MPHOSPH9: variants seen among roughly 807,000 people sequenced by gnomAD.
MPHOSPH9 encodes the protein M-phase phosphoprotein 9.
A neutral mutation model predicts 145.5 loss-of-function variants in MPHOSPH9; 88 were observed. The ratio of observed to expected loss-of-function variants is 0.60; its 90% CI spans 0.51 to 0.72. MPHOSPH9 has a LOEUF of 0.72. Among genes scored for constraint, MPHOSPH9 ranks in the 30% least tolerant of loss-of-function variants. The pLI is 0.00. For synonymous variants in MPHOSPH9, 435 were observed against 486.2 expected, an observed-to-expected ratio of 0.89 and a Z score of 1.39; for missense variants, 1,238 against 1,386.6, an observed-to-expected ratio of 0.89 and a Z score of 1.70.
chr12:123,204,762 C>A (rs1352815697), intron 8 of MPHOSPH9, among the ~76,000 whole-genome samples: 3 of 152,134 alleles, frequency 2.0e-5, no homozygotes, highest in Non-Finnish European at 2.9e-5. Flanking sequence ...GTAATCCCAG[C>A]AACGCAGGAG....
intron 3 of MPHOSPH9, chr12:123,226,373 G>A: frequency 1.8e-6 from 2 of 1,083,036 alleles, no homozygotes; most frequent in Non-Finnish European, 1.2e-6. Flanking sequence ...CACAAATTAT[G>A]CTTCTAAAAG....
At chr12:123,224,130 A>ACAT (rs1446797981) in intron 3 of MPHOSPH9, among the ~76,000 whole-genome samples, 2 of 81,036 alleles carry the variant, frequency 2.5e-5, no homozygotes, top group African/African-American at 4.0e-5. Context: ...ATATATACAC[A>ACAT]TTTTTTTTTT....
chr12:123,230,680 G>A (rs565741498), intron 1 of MPHOSPH9, among the ~76,000 whole-genome samples, 158 bp from the exon 2 acceptor site: 2 of 152,274 alleles, frequency 1.3e-5, no homozygotes, highest in Admixed American at 6.5e-5. Flanking sequence ...CCACCCAAAT[G>A]TCCATCAATG....
chr12:123,154,261 C>G lies in MPHOSPH9; in HGVS notation c.*2546G>C, dbSNP rs2043820908. 1 of 151,024 alleles carries G rather than the reference C, an allele frequency of 6.6e-6. No individual in the cohort carries two copies. Among genetic ancestry groups the G allele is most frequent in the Non-Finnish European group, 1.5e-5 (1 of 67,822 alleles). 9.4% of individuals were successfully genotyped at this position (151,024 alleles called of 1,614,324 possible). A position where few individuals can be genotyped will look rare whatever the true frequency, so the allele number is the denominator to read the frequency against. ...TAAACTATTAATACCTGCAGCAAAG[C>G]CCCAAGCCAACAACAAAAATAGTTT... On this transcript the variant is annotated 3_prime_UTR_variant, in exon 24 of 24. Coordinates refer to ENST00000606320, the MANE Select transcript of MPHOSPH9 (RefSeq NM_022782.4).
chr12:123,211,684 CTTTTTTTTTTTTTTT>C (rs147321517), intron 7 of MPHOSPH9, among the ~76,000 whole-genome samples: 13 of 67,756 alleles, frequency 1.9e-4, no homozygotes, highest in Admixed American at 4.1e-4. Context: ...TAGACAATTT[CTTTTTTTTTTTTTTT>C]TTTTTTTTTT....
At chr12:123,168,315 G>T (rs536122745) in intron 16 of MPHOSPH9, among the ~76,000 whole-genome samples, 1 of 148,638 alleles carries the variant, frequency 6.7e-6, no homozygotes, top group Non-Finnish European at 1.5e-5. Flanking sequence ...ACCCCAAACC[G>T]CCTGACCGCC....
chr12:123,221,349 C>T, intron 5 of MPHOSPH9, 23 bp downstream of exon 5: 1 of 1,520,396 alleles, frequency 6.6e-7, no homozygotes, highest in Non-Finnish European at 8.9e-7. Context: ...AAACTCCCTT[C>T]AAATGATAGA....
At chr12:123,161,099 C>A in intron 22 of MPHOSPH9, 37 bp downstream of exon 22, 2 of 1,606,254 alleles carry the variant, frequency 1.2e-6, no homozygotes, top group South Asian at 2.2e-5. Context: ...GCATTAAGTT[C>A]AGAAAACAAT....
intron 16 of MPHOSPH9, 113 bp from the exon 17 acceptor site, chr12:123,166,902 T>C: frequency 1.9e-6 from 2 of 1,063,442 alleles, no homozygotes; most frequent in Non-Finnish European, 2.6e-6. Flanking sequence ...TACACTAATT[T>C]AAAAATCACA....
chr12:123,164,573 G>A (rs756939199), intron 18 of MPHOSPH9, among the ~76,000 whole-genome samples: 1 of 152,226 alleles, frequency 6.6e-6, no homozygotes, highest in Non-Finnish European at 1.5e-5. Context: ...CAGATGCTCA[G>A]TAACCAAGAA....
upstream of MPHOSPH9, among the ~76,000 whole-genome samples, chr12:123,237,050 A>G (rs1452903457): frequency 6.6e-6 from 1 of 152,160 alleles, no homozygotes; most frequent in Non-Finnish European, 1.5e-5. Context: ...GCGCCACTGC[A>G]GTCCAGGCTG....
chr12:123,160,532 C>T (rs2044063280), intron 23 of MPHOSPH9: 1 of 414,392 alleles, frequency 2.4e-6, no homozygotes. Context: ...AAGTTAGTTT[C>T]TTGAAAATAC....
At chr12:123,224,566 A>G (rs1291437085) in intron 3 of MPHOSPH9, among the ~76,000 whole-genome samples, 3 of 152,046 alleles carry the variant, frequency 2.0e-5, no homozygotes, top group African/African-American at 4.8e-5. Context: ...TTTTAAATTT[A>G]AATATGATGC....
At chr12:123,189,279 G>A (rs1444043919) in intron 13 of MPHOSPH9, among the ~76,000 whole-genome samples, 2 of 152,124 alleles carry the variant, frequency 1.3e-5, no homozygotes, top group African/African-American at 2.4e-5. Context: ...GTTTTGAGCT[G>A]AGGTCCTAGA....
Position 123,209,775 on chromosome 12 carries a change from C to T in MPHOSPH9, c.1194+281G>A, listed in dbSNP as rs2046623950. 2.3e-5 allele frequency among the ~76,000 whole-genome samples: 3 copies of T among 130,448 alleles called. No individual in the cohort carries two copies. In the South Asian group the frequency reaches 7.6e-4, roughly 33 times the overall value. 85.6% of individuals were successfully genotyped at this position (130,448 alleles called of 152,430 possible). A position where few individuals can be genotyped will look rare whatever the true frequency, so the allele number is the denominator to read the frequency against. On this transcript the variant is annotated intron_variant, in intron 8 of 23. Transcript: ENST00000606320. ...TTTTTGAGATGGAGTCTTGCTCTGTCACCCAGGCTGGAGTGCAGTGGCGCA... is the reference window on the plus strand; with the variant it reads ...TTTTTGAGATGGAGTCTTGCTCTGTTACCCAGGCTGGAGTGCAGTGGCGCA...
chr12:123,222,118 A>C (rs2047226046), intron 4 of MPHOSPH9, among the ~76,000 whole-genome samples: 1 of 151,648 alleles, frequency 6.6e-6, no homozygotes, highest in Non-Finnish European at 1.5e-5. Context: ...GCAGATCACA[A>C]GGTCAGGAGC....
chr12:123,154,752 G>A lies in MPHOSPH9; in HGVS notation c.*2055C>T, dbSNP rs953447464. The A allele has an allele frequency of 6.6e-6, 1 of 152,116 alleles. No homozygotes were observed. The highest frequency in any genetic ancestry group is 1.5e-5 in the Non-Finnish European group (1 of 68,022). 9.4% of individuals were successfully genotyped at this position (152,116 alleles called of 1,614,324 possible). On this transcript the variant is annotated 3_prime_UTR_variant, in exon 24 of 24. Coordinates refer to ENST00000606320, the MANE Select transcript of MPHOSPH9 (RefSeq NM_022782.4). ...CATATCCAGGAACACATTAAAGGTG[G>A]TCTTACTAGGTCTTGACACAAGCTG...
intron 23 of MPHOSPH9, among the ~76,000 whole-genome samples, chr12:123,158,385 T>C (rs1004654264): frequency 6.6e-6 from 1 of 152,144 alleles, no homozygotes; most frequent in Non-Finnish European, 1.5e-5. Flanking sequence ...GGAGAATCAC[T>C]TGTGGCCAGG....
At chr12:123,167,596 C>G (rs376889590) in intron 16 of MPHOSPH9, among the ~76,000 whole-genome samples, 1 of 152,136 alleles carries the variant, frequency 6.6e-6, no homozygotes, top group South Asian at 2.1e-4. Flanking sequence ...TGTGTCCCAA[C>G]CCCTTTGGAC....
Sources: allele counts gnomAD v4.1 joint callset (sites outside exome capture counted in the v4.1 genomes callset), GRCh38; gene constraint gnomAD v4.1.1; transcripts MANE v1.5; gene names NCBI Gene and HGNC (gene_info 2026-07-23, HGNC 2026-07-21).